The following ZFPM2 variants were observed in gnomAD, a reference collection of about 807,000 sequenced individuals.
ZFPM2 encodes the protein zinc finger protein ZFPM2.
In ZFPM2, 20 loss-of-function variants were observed where a neutral mutation model predicts 98.6. The ratio of observed to expected loss-of-function variants is 0.20; its 90% confidence interval spans 0.14 to 0.29. The LOEUF (loss-of-function observed/expected upper bound fraction) is 0.29, where lower values mean the gene tolerates loss of function less well. ZFPM2 is among the 10% of genes least tolerant of loss of function. The pLI, the probability that ZFPM2 is intolerant of heterozygous loss-of-function variation, is 1.00. For synonymous variants in ZFPM2, 518 were observed against 502.7 expected (o/e 1.03, Z -0.41); for missense variants, 1,310 against 1,388.6 (o/e 0.94, Z 0.90).
At chr8:105,774,905 C>T (rs1026315307) in intron 5 of ZFPM2, among the ~76,000 whole-genome samples, 37 of 151,858 alleles carry the variant, frequency 2.4e-4, no homozygotes, top group African/African-American at 8.0e-4. Flanking sequence ...GAGGGGGACG[C>T]GAAGATGGAA....
chr8:105,773,394 A>G (rs956281444), intron 5 of ZFPM2, among the ~76,000 whole-genome samples: 1 of 152,174 alleles, frequency 6.6e-6, no homozygotes, highest in Non-Finnish European at 1.5e-5. Flanking sequence ...TTTAGAATAG[A>G]CCATTATGAA....
intron 5 of ZFPM2, among the ~76,000 whole-genome samples, chr8:105,679,918 C>A (rs1192891861): frequency 6.6e-6 from 1 of 151,742 alleles, no homozygotes; most frequent in Non-Finnish European, 1.5e-5. Context: ...CTTTATATTT[C>A]TTCAAGAAAC....
At chr8:105,795,623 GAA>G (rs1813779481) in intron 6 of ZFPM2, 6 of 170,282 alleles carry the variant, frequency 3.5e-5, no homozygotes, top group African/African-American at 1.3e-4. Context: ...AAAAAAAAAA[GAA>G]AGAAATGCAT....
rs61552974 is a variant in ZFPM2 at position 105,517,707 on chromosome 8, C to CACACCACACACACACACA, written c.302-43656_302-43655insACACCACACACACACACA. On this transcript the variant is annotated intron_variant, in intron 3 of 7. Transcript: ENST00000407775. ...CACACACACACCACACACACACACA[C>CACACCACACACACACACA]CACACACACACACACACACACACAC... 2.0e-3 allele frequency among the ~76,000 whole-genome samples: 246 copies of CACACCACACACACACACA among 124,970 alleles called. 2 individuals carry two copies. The highest frequency in any genetic ancestry group is 7.6e-3 in the African/African-American group (229 of 30,186). The allele number at this position is 124,970 out of a possible 152,430, so 82.0% of individuals were successfully genotyped here.
chr8:105,547,939 A>C (rs966981342), intron 3 of ZFPM2, among the ~76,000 whole-genome samples: 1 of 152,148 alleles, frequency 6.6e-6, no homozygotes, highest in Non-Finnish European at 1.5e-5. Flanking sequence ...GTATTCTGAT[A>C]TATAGTCATG....
intron 1 of ZFPM2, among the ~76,000 whole-genome samples, chr8:105,403,539 AT>A (rs1307406456): frequency 1.3e-5 from 2 of 151,892 alleles, no homozygotes; most frequent in Non-Finnish European, 2.9e-5. Context: ...TTTAAAAATC[AT>A]TTTATAAAGT....
At chr8:105,329,571 C>A (rs562718807) in intron 1 of ZFPM2, among the ~76,000 whole-genome samples, 2 of 151,890 alleles carry the variant, frequency 1.3e-5, no homozygotes, top group Admixed American at 1.3e-4. Flanking sequence ...TAAAGAGCTA[C>A]AAAATGTCAT....
intron 2 of ZFPM2, among the ~76,000 whole-genome samples, chr8:105,427,305 A>G (rs1811934722): frequency 1.3e-5 from 2 of 152,150 alleles, no homozygotes; most frequent in African/African-American, 4.8e-5. Context: ...TTGCAACCAA[A>G]TTAAAGTGAT....
chr8:105,619,696 G>A (rs555618505), intron 4 of ZFPM2, among the ~76,000 whole-genome samples: 9 of 52,650 alleles, frequency 1.7e-4, no homozygotes, highest in Non-Finnish European at 3.0e-4. Flanking sequence ...CCCCCACCCC[G>A]CGACAGGCCC....
chr8:105,546,921 TTA>T (rs1269233937), intron 3 of ZFPM2, among the ~76,000 whole-genome samples: 1 of 152,182 alleles, frequency 6.6e-6, no homozygotes, highest in Non-Finnish European at 1.5e-5. Context: ...TATTTTCTCC[TTA>T]TTATCTACAT....
intron 2 of ZFPM2, among the ~76,000 whole-genome samples, chr8:105,421,008 CTTTCATTAAACT>C (rs971717454): frequency 2.6e-5 from 4 of 151,968 alleles, no homozygotes; most frequent in African/African-American, 9.7e-5. Context: ...TACTCTTACT[CTTTCATTAAACT>C]TTTCATTAAA....
chr8:105,370,794 G>A (rs1386982017), intron 1 of ZFPM2, among the ~76,000 whole-genome samples: 3 of 152,238 alleles, frequency 2.0e-5, no homozygotes, highest in African/African-American at 4.8e-5. Flanking sequence ...AAACAAGGCA[G>A]AGAAAGGTGA....
chr8:105,549,488 A>G (rs1425273640), intron 3 of ZFPM2, among the ~76,000 whole-genome samples: 2 of 130,170 alleles, frequency 1.5e-5, no homozygotes, highest in African/African-American at 3.0e-5. Context: ...AAAGCTCACA[A>G]ATCTTCTCTC....
chr8:105,411,613 A>G (rs1239551740), intron 1 of ZFPM2, among the ~76,000 whole-genome samples: 2 of 151,894 alleles, frequency 1.3e-5, no homozygotes, highest in Non-Finnish European at 2.9e-5. Context: ...ATATATCTCA[A>G]TCATATAAAA....
chr8:105,654,573 T>TC (rs1267597302), intron 5 of ZFPM2, among the ~76,000 whole-genome samples: 15 of 115,238 alleles, frequency 1.3e-4, no homozygotes, highest in Non-Finnish European at 2.6e-4. Flanking sequence ...TTTTTTTCTA[T>TC]CCTTTTTTTT....
chr8:105,673,576 G>A (rs1408819621), intron 5 of ZFPM2, among the ~76,000 whole-genome samples: 1 of 151,970 alleles, frequency 6.6e-6, no homozygotes, highest in Non-Finnish European at 1.5e-5. Flanking sequence ...TTCCTTTGGT[G>A]AACACTGCCA....
chr8:105,572,393 AATTTGAGAAATT>A (rs1815377095), intron 4 of ZFPM2, among the ~76,000 whole-genome samples: 1 of 152,062 alleles, frequency 6.6e-6, no homozygotes, highest in Non-Finnish European at 1.5e-5. Context: ...ATACTTTGGA[AATTTGAGAAATT>A]ATTTGAGAAA....
At position 105,803,775 on chromosome 8, in the gene ZFPM2, A is replaced by AT. The variant is rs925426870; in HGVS notation, c.*243dup. 2.7e-5 allele frequency: 12 copies of AT among 447,328 alleles called. No individual in the cohort carries two copies. The highest frequency in any genetic ancestry group is 1.2e-3 in the Middle Eastern group (2 of 1,632). The allele number at this position is 447,328 out of a possible 1,614,324, so 27.7% of individuals were successfully genotyped here. A position where few individuals can be genotyped will look rare whatever the true frequency, so the allele number is the denominator to read the frequency against. ...CAGTATTCATAGCTGTGGTTATGTT[A>AT]TTTTTTATTTAAAAACTTTATATTA... On this transcript the variant is annotated 3_prime_UTR_variant, in exon 8 of 8. Coordinates refer to ENST00000407775, the MANE Select transcript of ZFPM2 (RefSeq NM_012082.4).
chr8:105,733,722 T>G (rs1297404142), intron 5 of ZFPM2, among the ~76,000 whole-genome samples: 1 of 151,890 alleles, frequency 6.6e-6, no homozygotes, highest in Non-Finnish European at 1.5e-5. Flanking sequence ...GATTAAATTC[T>G]ATTTACTTTA....
Sources: gnomAD v4.1 joint callset for allele counts (sites outside exome capture counted in the v4.1 genomes callset) on GRCh38, gnomAD v4.1.1 for gene constraint, MANE v1.5 for transcripts, NCBI Gene and HGNC (gene_info 2026-07-23, HGNC 2026-07-21) for gene names.